Variants in PCDHA10 observed in about 807,000 individuals in gnomAD.
PCDHA10 encodes the protein protocadherin alpha 10, also known as protocadherin alpha-10.
Under a neutral mutation model 61.2 loss-of-function variants are expected in PCDHA10, and 45 were observed. The ratio of observed to expected loss-of-function variants is 0.74; its 90% CI spans 0.58 to 0.94. PCDHA10 has a LOEUF of 0.94. Ranked by LOEUF, PCDHA10 falls within the 40% of genes least tolerant of loss-of-function variation. The pLI is 0.00. For missense variants in PCDHA10, 1,278 were observed against 1,236.2 expected (o/e 1.03, Z -0.51); for synonymous variants, 602 against 548.8 (o/e 1.10, Z -1.35).
intron 1 of PCDHA10, chr5:140,927,432 C>T: frequency 5.6e-6 from 9 of 1,614,124 alleles, no homozygotes; most frequent in Non-Finnish European, 5.9e-6. Flanking sequence ...TTGACGGCAG[C>T]GAATACCCGG....
intron 1 of PCDHA10, among the ~76,000 whole-genome samples, chr5:140,941,239 C>CTTTCTTTCT (rs2092936825): frequency 7.4e-6 from 1 of 134,500 alleles, no homozygotes; most frequent in South Asian, 2.4e-4. Context: ...TTCTTTCTTT[C>CTTTCTTTCT]TTTCTTTCTT....
chr5:140,891,589 C>T (rs1459113596), intron 1 of PCDHA10, among the ~76,000 whole-genome samples: 1 of 152,166 alleles, frequency 6.6e-6, no homozygotes, highest in East Asian at 1.9e-4. Context: ...TCTTATTACT[C>T]TATCCCATCT....
At chr5:140,872,215 A>T (rs931630004) in intron 1 of PCDHA10, among the ~76,000 whole-genome samples, 2 of 152,188 alleles carry the variant, frequency 1.3e-5, no homozygotes, top group Non-Finnish European at 2.9e-5. Flanking sequence ...ATTATATATG[A>T]AACAATCTTT....
At chr5:140,978,767 AC>A (rs1167493285) in intron 1 of PCDHA10, among the ~76,000 whole-genome samples, 181 bp from the exon 2 acceptor site, 4 of 152,342 alleles carry the variant, frequency 2.6e-5, no homozygotes, top group South Asian at 2.1e-4. Flanking sequence ...ACCCTGATGA[AC>A]TAATTTTCTT....
At position 140,856,185 on chromosome 5, in the gene PCDHA10, G is replaced by C; in HGVS notation, c.137G>C (p.Arg46Pro). Reference sequence around the variant, plus strand: ...GCCAGACACGGCACCTTCGTGGGCCGCATCGCGCAGGACCTGGGGCTGGAG... The same window carrying C: ...GCCAGACACGGCACCTTCGTGGGCCCCATCGCGCAGGACCTGGGGCTGGAG... ...EEARHGTFVG[R>P]IAQDLGLELA... The change falls in exon 1 of 4, where the codon CGC becomes CCC. Residue 46 changes from arginine (R) to proline (P), a missense_variant. Arg to Pro is a moderately radical substitution (Grantham distance 103, BLOSUM62 -2). Coordinates refer to ENST00000307360, the MANE Select transcript of PCDHA10 (RefSeq NM_018901.4). The C allele has an allele frequency of 6.3e-7, 1 of 1,598,160 alleles. No homozygotes were observed.
intron 1 of PCDHA10, among the ~76,000 whole-genome samples, chr5:140,902,253 G>T (rs1170626795): frequency 1.4e-5 from 2 of 144,500 alleles, no homozygotes; most frequent in Non-Finnish European, 3.0e-5. Flanking sequence ...GCCCAGGCTG[G>T]TCTCGAACTC....
At chr5:140,990,097 T>C (rs2097373826) in intron 3 of PCDHA10, among the ~76,000 whole-genome samples, 1 of 151,922 alleles carries the variant, frequency 6.6e-6, no homozygotes, top group African/African-American at 2.4e-5. Flanking sequence ...GTGCTACTAT[T>C]GAAACAGGAA....
chr5:140,870,016 G>A (rs1554163708), intron 1 of PCDHA10: 1 of 1,613,448 alleles, frequency 6.2e-7, no homozygotes, highest in Non-Finnish European at 8.5e-7. Flanking sequence ...GAGGGTCAAT[G>A]GAACTTTAGA....
chr5:140,995,883 A>C (rs892876266), intron 3 of PCDHA10, among the ~76,000 whole-genome samples: 2 of 152,232 alleles, frequency 1.3e-5, no homozygotes, highest in Admixed American at 6.5e-5. Flanking sequence ...CCTGTGCTTC[A>C]GATTTATCAA....
At chr5:140,858,837 T>A (rs2045615327) in intron 1 of PCDHA10, 1 of 319,506 alleles carries the variant, frequency 3.1e-6, no homozygotes, top group Non-Finnish European at 5.9e-6. Context: ...TACCAAAAAA[T>A]TCCACTGATC....
chr5:140,919,480 T>C (rs1745975489), intron 1 of PCDHA10, among the ~76,000 whole-genome samples: 1 of 152,198 alleles, frequency 6.6e-6, no homozygotes, highest in Admixed American at 6.5e-5. Context: ...TATTTGGATT[T>C]ATGTTTGTTA....
In PCDHA10 at chr5:140,882,341, G is replaced by A. The variant is rs782271839; in HGVS notation, c.2388+23905G>A. 5.6e-6 allele frequency: 9 copies of A among 1,614,058 alleles called. No individual in the cohort carries two copies. The Admixed American group carries it at 1.3e-4, about 24-fold the overall frequency. ...CTGGCTTCTGATCCTCGCAGCCTGGGAGACGGGTAGTGGCCAGCTCCACTA... is the reference window on the plus strand; with the variant it reads ...CTGGCTTCTGATCCTCGCAGCCTGGAAGACGGGTAGTGGCCAGCTCCACTA... On this transcript the variant is annotated intron_variant, in intron 1 of 3. Coordinates refer to ENST00000307360, the MANE Select transcript of PCDHA10 (RefSeq NM_018901.4).
At chr5:140,873,204 T>TAAAAG (rs2054159059) in intron 1 of PCDHA10, among the ~76,000 whole-genome samples, 1 of 152,168 alleles carries the variant, frequency 6.6e-6, no homozygotes, top group Non-Finnish European at 1.5e-5. Flanking sequence ...AAAACATTCT[T>TAAAAG]TAAGTATTAA....
intron 1 of PCDHA10, 92 bp downstream of exon 1, chr5:140,858,528 T>A (rs2045469480): frequency 1.4e-6 from 2 of 1,404,940 alleles, no homozygotes; most frequent in South Asian, 2.5e-5. Context: ...AATATTTCAT[T>A]TTTGTCTACA....
intron 1 of PCDHA10, chr5:140,883,224 C>T (rs782659730): frequency 1.2e-6 from 2 of 1,613,946 alleles, no homozygotes; most frequent in Non-Finnish European, 1.7e-6. Flanking sequence ...TATGAAATAT[C>T]CGTGGAGGCA....
chr5:140,997,785 A>G (rs537383326), intron 3 of PCDHA10, among the ~76,000 whole-genome samples: 2 of 152,218 alleles, frequency 1.3e-5, no homozygotes, highest in Admixed American at 1.3e-4. Flanking sequence ...GTATACCTAT[A>G]TTATAATTTA....
In PCDHA10 at chr5:141,011,088, T is replaced by TTCTC. The variant is rs375099849; in HGVS notation, c.*1165_*1168dup. 6.6e-6 allele frequency: 1 copy of TTCTC among 152,032 alleles called. No homozygotes were observed. Among genetic ancestry groups the TTCTC allele is most frequent in the Non-Finnish European group, 1.5e-5 (1 of 67,462 alleles). 9.4% of individuals were successfully genotyped at this position (152,032 alleles called of 1,614,324 possible). A position where few individuals can be genotyped will look rare whatever the true frequency, so the allele number is the denominator to read the frequency against. On this transcript the variant is annotated 3_prime_UTR_variant, in exon 4 of 4. Transcript: ENST00000307360. The stretch of plus-strand genomic sequence containing the variant: ...TATTACTAAATAAAATGATCTCTCT[T>TTCTC]TCTCTCTCTCTCTCTCTTTTCTAAG...
At chr5:140,910,067 G>A (rs868941459) in intron 1 of PCDHA10, among the ~76,000 whole-genome samples, 11 of 152,312 alleles carry the variant, frequency 7.2e-5, no homozygotes, top group Non-Finnish European at 1.3e-4. Context: ...TTTTAACAGC[G>A]TAAATTGTTG....
Position 140,949,948 on chromosome 5 carries a change from G to T in PCDHA10, c.2389-29001G>T, listed in dbSNP as rs2094436034. Among the ~76,000 whole-genome samples the T allele has an allele frequency of 2.0e-5, 3 of 151,288 alleles. No individual in the cohort carries two copies. In the South Asian group the frequency reaches 6.2e-4, roughly 31 times the overall value. On this transcript the variant is annotated intron_variant, in intron 1 of 3. Coordinates refer to ENST00000307360, the MANE Select transcript of PCDHA10 (RefSeq NM_018901.4). ...GATTTTTTTTAATTTGCATTTTTTA[G>T]TGGTTGCTGTAAGGATTACAGCATA...
Sources: allele counts gnomAD v4.1 joint callset (sites outside exome capture counted in the v4.1 genomes callset), GRCh38; gene constraint gnomAD v4.1.1; transcripts MANE v1.5; gene names NCBI Gene and HGNC (gene_info 2026-07-23, HGNC 2026-07-21).